DAPP1: variants seen among roughly 807,000 people sequenced by gnomAD.
The protein encoded by DAPP1 is dual adapter for phosphotyrosine and 3-phosphotyrosine and 3-phosphoinositide.
Under a neutral mutation model 41.5 loss-of-function variants are expected in DAPP1, and 20 were observed. That is an observed-to-expected ratio of 0.48 (90% CI 0.34 to 0.70). DAPP1 has a LOEUF of 0.70. Ranked by LOEUF, DAPP1 falls within the 30% of genes least tolerant of loss-of-function variation. The pLI is 0.01. For synonymous variants in DAPP1, 113 were observed against 116.2 expected, an observed-to-expected ratio of 0.97 and a Z score of 0.18; for missense variants, 233 against 333.4, an observed-to-expected ratio of 0.70 and a Z score of 2.35.
chr4:99,854,021 C>T (rs1042588710), intron 4 of DAPP1, among the ~76,000 whole-genome samples: 1 of 152,164 alleles, frequency 6.6e-6, no homozygotes, highest in African/African-American at 2.4e-5. Context: ...TTTCAACTAT[C>T]TATGGAAGAC....
At chr4:99,833,160 A>G (rs886710186) in intron 1 of DAPP1, among the ~76,000 whole-genome samples, 1 of 152,232 alleles carries the variant, frequency 6.6e-6, no homozygotes, top group Admixed American at 6.5e-5. Context: ...TTTTGGCTTC[A>G]GTTGAACTTG....
chr4:99,866,734 A>C, intron 8 of DAPP1: 2 of 545,202 alleles, frequency 3.7e-6, no homozygotes, highest in Non-Finnish European at 6.5e-6. Context: ...TATAAATACC[A>C]TCTTAAAAAC....
At chr4:99,865,504 T>G (rs1724392780) in intron 7 of DAPP1, 1 of 152,172 alleles carries the variant, frequency 6.6e-6, no homozygotes, top group Admixed American at 6.5e-5. Flanking sequence ...TCCCAATAGT[T>G]GAAATTGCCC....
At chr4:99,832,801 A>T (rs548668146) in intron 1 of DAPP1, among the ~76,000 whole-genome samples, 25 of 152,262 alleles carry the variant, frequency 1.6e-4, no homozygotes, top group Non-Finnish European at 2.9e-4. Context: ...TTCCAATTCT[A>T]TTGAAAAGAA....
intron 8 of DAPP1, among the ~76,000 whole-genome samples, chr4:99,867,161 C>T (rs983373661): frequency 6.6e-6 from 1 of 152,092 alleles, no homozygotes; most frequent in African/African-American, 2.4e-5. Context: ...GAGACTTTTG[C>T]TTTCAGTTAT....
At chr4:99,840,496 T>A in intron 3 of DAPP1, 74 bp downstream of exon 3, 2 of 1,473,778 alleles carry the variant, frequency 1.4e-6, no homozygotes, top group Non-Finnish European at 1.8e-6. Flanking sequence ...GATTTCAATT[T>A]AAGAATGTCA....
downstream of DAPP1, among the ~76,000 whole-genome samples, chr4:99,870,911 G>A (rs889160677): frequency 6.6e-6 from 1 of 152,058 alleles, no homozygotes; most frequent in African/African-American, 2.4e-5. Context: ...GGGTCTATTG[G>A]GGTATTAAAT....
intron 3 of DAPP1, among the ~76,000 whole-genome samples, chr4:99,847,796 A>T (rs1235297643): frequency 8.1e-6 from 1 of 124,068 alleles, no homozygotes; most frequent in Non-Finnish European, 1.7e-5. Flanking sequence ...GCGACAGTAG[A>T]TAAGTTTGTT....
At chr4:99,843,894 C>T (rs62305039) in intron 3 of DAPP1, among the ~76,000 whole-genome samples, 5,563 of 152,272 alleles carry the variant, frequency 0.037, 155 homozygotes, top group Middle Eastern at 0.11. Flanking sequence ...ATTTCCAATG[C>T]CTGCATTGCA....
chr4:99,872,177 A>C (rs1447655155), downstream of DAPP1, among the ~76,000 whole-genome samples: 1 of 152,228 alleles, frequency 6.6e-6, no homozygotes, highest in Non-Finnish European at 1.5e-5. Context: ...GGAGCCAGAG[A>C]AGTTAGACCA....
intron 8 of DAPP1, 37 bp from the exon 9 acceptor site, chr4:99,868,080 C>T: frequency 6.4e-7 from 1 of 1,562,618 alleles, no homozygotes; most frequent in Non-Finnish European, 8.8e-7. Flanking sequence ...ATTACAATCA[C>T]TCAATAATGG....
In DAPP1 at chr4:99,853,036, T is replaced by C. The variant is rs144109510; in HGVS notation, c.359-182T>C. ...CAAGGAACATCTCCATCATGCTTTA[T>C]ATCTCAGTGTCCAGCTTAAGTGCCT... On this transcript the variant is annotated intron_variant, in intron 3 of 8. Transcript: ENST00000512369. Among the ~76,000 whole-genome samples the C allele has an allele frequency of 1.7e-3, 257 of 152,322 alleles. 2 individuals carry two copies. The highest frequency in any genetic ancestry group is 2.6e-3 in the Non-Finnish European group (179 of 68,030).
intron 1 of DAPP1, among the ~76,000 whole-genome samples, chr4:99,827,732 G>A (rs888031355): frequency 2.6e-5 from 4 of 152,142 alleles, no homozygotes; most frequent in African/African-American, 9.7e-5. Context: ...CTCCTGTGCT[G>A]CTTTGTTTTG....
At chr4:99,838,570 G>A (rs996691731) in intron 2 of DAPP1, among the ~76,000 whole-genome samples, 2 of 151,994 alleles carry the variant, frequency 1.3e-5, no homozygotes, top group African/African-American at 4.8e-5. Flanking sequence ...GTGCCACCTA[G>A]ATCCTTCACA....
chr4:99,822,780 T>G (rs959796235), intron 1 of DAPP1, among the ~76,000 whole-genome samples: 1 of 152,312 alleles, frequency 6.6e-6, no homozygotes, highest in Admixed American at 6.5e-5. Flanking sequence ...AAACCTGCAT[T>G]AATTTCTGGC....
At chr4:99,819,746 C>A (rs756347182) in intron 1 of DAPP1, among the ~76,000 whole-genome samples, 18 of 144,832 alleles carry the variant, frequency 1.2e-4, no homozygotes, top group Non-Finnish European at 2.5e-4. Flanking sequence ...TAAATCCTTA[C>A]GTTTATGTTT....
Position 99,861,190 on chromosome 4 carries a change from A to T in DAPP1, c.490-388A>T, listed in dbSNP as rs561209349. Among the ~76,000 whole-genome samples, 4 of 152,364 alleles carry T rather than the reference A, an allele frequency of 2.6e-5. No individual in the cohort carries two copies. The South Asian group carries it at 8.3e-4, about 32-fold the overall frequency. ...CTCTGGGAAGCCCTGAAGTAAAAAC[A>T]TCCTTTTAGTTTTCTTAATCCAGTC... is the stretch of plus-strand genomic sequence containing the variant. On this transcript the variant is annotated intron_variant, in intron 4 of 8. Coordinates refer to ENST00000512369, the MANE Select transcript of DAPP1 (RefSeq NM_014395.3).
At position 99,863,820 on chromosome 4, in the gene DAPP1, A is replaced by G. The variant is rs1307641354; in HGVS notation, c.651A>G (p.Gln217=). ...ILDLTECSAV[Q]FDYSQERVNC... ...ACCTAACAGAATGTTCAGCTGTACA[A>G]TTCGATTATTCACAAGAAAGGGTAA... The change falls in exon 7 of 9, where the codon CAA becomes CAG. Residue 217 remains glutamine, a synonymous_variant. Transcript: ENST00000512369. 2 of 1,602,050 alleles carry G rather than the reference A, an allele frequency of 1.2e-6. No homozygotes were observed. Among genetic ancestry groups the G allele is most frequent in the Non-Finnish European group, 1.7e-6 (2 of 1,173,678 alleles).
chr4:99,827,224 A>C (rs1370969387), intron 1 of DAPP1, among the ~76,000 whole-genome samples: 2 of 152,068 alleles, frequency 1.3e-5, no homozygotes, highest in Non-Finnish European at 2.9e-5. Context: ...AGTAGTAAAA[A>C]GTTTCTTATT....
Sources: gnomAD v4.1 joint callset for allele counts (sites outside exome capture counted in the v4.1 genomes callset) on GRCh38, gnomAD v4.1.1 for gene constraint, MANE v1.5 for transcripts, NCBI Gene and HGNC (gene_info 2026-07-23, HGNC 2026-07-21) for gene names.